Variants in NLGN1 observed in about 807,000 individuals in gnomAD.
NLGN1 encodes the protein neuroligin-1.
NLGN1 carries 12 observed loss-of-function variants against 65.5 expected under a neutral mutation model. The observed-to-expected ratio is 0.18, with a 90% CI of 0.12 to 0.30. NLGN1 has a LOEUF of 0.30. Ranked by LOEUF, NLGN1 falls within the 10% of genes least tolerant of loss-of-function variation. The pLI, the probability that NLGN1 is intolerant of heterozygous loss-of-function variation, is 1.00. For synonymous variants in NLGN1, 350 were observed against 359.5 expected, an observed-to-expected ratio of 0.97 and a Z score of 0.30; for missense variants, 750 against 1,007.1, an observed-to-expected ratio of 0.74 and a Z score of 3.46.
intron 4 of NLGN1, among the ~76,000 whole-genome samples, chr3:174,198,594 T>C (rs2152771018): frequency 6.6e-6 from 1 of 152,300 alleles, no homozygotes; most frequent in Admixed American, 6.5e-5. Flanking sequence ...AGTCCCATCA[T>C]TGGATAAAAT....
chr3:173,778,138 CA>C (rs2150305049), intron 3 of NLGN1, among the ~76,000 whole-genome samples: 1 of 151,904 alleles, frequency 6.6e-6, no homozygotes, highest in South Asian at 2.1e-4. Context: ...AGATAACACA[CA>C]ATTTCTTTAG....
intron 2 of NLGN1, among the ~76,000 whole-genome samples, chr3:173,539,696 A>C (rs1341164260): frequency 7.2e-6 from 1 of 138,582 alleles, no homozygotes; most frequent in East Asian, 2.0e-4. Flanking sequence ...ATATGTACAT[A>C]TGCACATATA....
chr3:174,057,411 T>G (rs1183095332), intron 4 of NLGN1, among the ~76,000 whole-genome samples: 2 of 152,106 alleles, frequency 1.3e-5, no homozygotes, highest in Non-Finnish European at 2.9e-5. Flanking sequence ...AGTAGCAGTA[T>G]GACCTTAGGT....
chr3:174,065,944 A>G (rs919087160), intron 4 of NLGN1, among the ~76,000 whole-genome samples: 3 of 152,180 alleles, frequency 2.0e-5, no homozygotes, highest in Non-Finnish European at 4.4e-5. Context: ...TGAGTGAGCC[A>G]GAAGATCCAG....
intron 4 of NLGN1, among the ~76,000 whole-genome samples, chr3:173,830,058 T>A (rs919230219): frequency 2.0e-5 from 3 of 152,006 alleles, no homozygotes; most frequent in African/African-American, 7.3e-5. Flanking sequence ...AACTGATTTA[T>A]CAATATGTTT....
chr3:173,646,052 C>T (rs1034684883), intron 3 of NLGN1, among the ~76,000 whole-genome samples: 35 of 152,148 alleles, frequency 2.3e-4, no homozygotes, highest in African/African-American at 7.5e-4. Context: ...TTTGGCTCTG[C>T]CCCCTATTCC....
At chr3:174,052,708 G>A (rs1055282905) in intron 4 of NLGN1, among the ~76,000 whole-genome samples, 2 of 151,874 alleles carry the variant, frequency 1.3e-5, no homozygotes, top group African/African-American at 2.4e-5. Flanking sequence ...AAGTGATTAG[G>A]TGCTTCTATT....
chr3:173,595,690 A>T (rs904821793), intron 2 of NLGN1, among the ~76,000 whole-genome samples: 1 of 152,160 alleles, frequency 6.6e-6, no homozygotes, highest in Non-Finnish European at 1.5e-5. Context: ...CATATCTGAG[A>T]CTGGGAAGAA....
At chr3:174,249,127 C>G (rs1163594291) in intron 4 of NLGN1, among the ~76,000 whole-genome samples, 1 of 152,190 alleles carries the variant, frequency 6.6e-6, no homozygotes, top group Non-Finnish European at 1.5e-5. Flanking sequence ...ATCTTGAGTC[C>G]TATTTTGTAG....
intron 3 of NLGN1, among the ~76,000 whole-genome samples, chr3:173,756,745 A>G (rs1777186789): frequency 7.0e-6 from 1 of 142,942 alleles, no homozygotes; most frequent in Non-Finnish European, 1.6e-5. Flanking sequence ...CAAAGAAGAT[A>G]CAAAGACTAA....
chr3:174,218,254 T>C lies in NLGN1; in HGVS notation c.647-57061T>C, dbSNP rs143419316. 5.5e-4 allele frequency among the ~76,000 whole-genome samples: 83 copies of C among 151,862 alleles called. No homozygotes were observed. In the East Asian group the frequency reaches 5.8e-3, roughly 11 times the overall value. On this transcript the variant is annotated intron_variant, in intron 4 of 6. Coordinates refer to ENST00000457714, the Ensembl canonical transcript of NLGN1. ...TGATTACCCTTTACCTTCCCAAGAG[T>C]AATATGGTAAAATTGCAGTAGGGAG...
At chr3:173,924,107 A>T (rs1742562723) in intron 4 of NLGN1, among the ~76,000 whole-genome samples, 2 of 152,146 alleles carry the variant, frequency 1.3e-5, no homozygotes, top group Admixed American at 1.3e-4. Flanking sequence ...CTCATTAAGG[A>T]CTGAATTCCC....
chr3:173,553,019 A>G (rs1204327804), intron 2 of NLGN1, among the ~76,000 whole-genome samples: 1 of 152,190 alleles, frequency 6.6e-6, no homozygotes, highest in Non-Finnish European at 1.5e-5. Flanking sequence ...TAAATCAAGT[A>G]CTATGTTTTA....
chr3:173,539,668 C>CATATATAACATATATATATATATGT (rs1560406286), intron 2 of NLGN1, among the ~76,000 whole-genome samples: 5 of 66,052 alleles, frequency 7.6e-5, no homozygotes, highest in African/African-American at 1.9e-4. Flanking sequence ...TGTATATATG[C>CATATATAACATATATATATATATGT]ACATATATAA....
chr3:174,266,023 T>A (rs938447933), intron 4 of NLGN1, among the ~76,000 whole-genome samples: 8 of 130,496 alleles, frequency 6.1e-5, no homozygotes, highest in Non-Finnish European at 1.3e-4. Context: ...CATATATATG[T>A]GTGTGTGTGT....
chr3:173,641,085 G>A (rs1339765039), intron 3 of NLGN1, among the ~76,000 whole-genome samples: 1 of 152,078 alleles, frequency 6.6e-6, no homozygotes, highest in Non-Finnish European at 1.5e-5. Context: ...CTGTTTCCTA[G>A]TATTCTTGAT....
At chr3:174,091,859 A>G (rs958298491) in intron 4 of NLGN1, among the ~76,000 whole-genome samples, 2 of 152,168 alleles carry the variant, frequency 1.3e-5, no homozygotes, top group Non-Finnish European at 2.9e-5. Context: ...TGATTATTTT[A>G]CTACTGTTAT....
At chr3:173,496,867 A>G (rs1186452793) in intron 2 of NLGN1, among the ~76,000 whole-genome samples, 1 of 151,860 alleles carries the variant, frequency 6.6e-6, no homozygotes, top group Non-Finnish European at 1.5e-5. Context: ...GAACTCTAGG[A>G]TTTTGAATCT....
chr3:174,279,473 A>T lies in NLGN1; in HGVS notation c.1472A>T (p.His491Leu). The change falls in exon 6 of 7, where the codon CAT becomes CTT. Residue 491 changes from histidine to leucine, a missense_variant. Coordinates refer to ENST00000457714, the Ensembl canonical transcript of NLGN1. This position sits in a 1 kb window ranked among gnomAD's most constrained non-coding sequence, Gnocchi z 4.7. ...ACGTACTTCTATGCCTTTTACCATC[A>T]TTGCCAAACAGATCAGGTTCCAGCT... is the stretch of plus-strand genomic sequence containing the variant. 6.2e-7 allele frequency: 1 copy of T among 1,613,194 alleles called. No individual in the cohort carries two copies. The highest frequency in any genetic ancestry group is 2.2e-5 in the East Asian group (1 of 44,822).
Sources: allele counts gnomAD v4.1 joint callset (sites outside exome capture counted in the v4.1 genomes callset), GRCh38; gene constraint gnomAD v4.1.1; non-coding constraint Gnocchi (gnomAD v3.1); transcripts MANE v1.5; gene names NCBI Gene and HGNC (gene_info 2026-07-23, HGNC 2026-07-21).